The following BCR variants were observed in gnomAD, a reference collection of about 807,000 sequenced individuals.
BCR encodes BCR activator of RhoGEF and GTPase.
Under a neutral mutation model 138.6 loss-of-function variants are expected in BCR, and 58 were observed. That is an observed-to-expected ratio of 0.42 (90% CI 0.34 to 0.52). The LOEUF is 0.52. Ranked by LOEUF, BCR falls within the 20% of genes least tolerant of loss-of-function variation. BCR has a pLI of 0.06. For missense variants in BCR, 1,599 were observed against 1,727.2 expected (o/e 0.93, Z 1.32); for synonymous variants, 786 against 730.1 (o/e 1.08, Z -1.23).
At position 23,241,782 on chromosome 22, in the gene BCR, A is replaced by G. The variant is rs1347002083; in HGVS notation, c.1280-12017A>G. ...TCGCAGAAGCCCCCAGCCCTGCCCC[A>G]CCTCCAGTGCCACACTCAGATGTGC... On this transcript the variant is annotated intron_variant, in intron 1 of 22. Coordinates refer to ENST00000305877, the MANE Select transcript of BCR (RefSeq NM_004327.4). Among the ~76,000 whole-genome samples the G allele has an allele frequency of 3.3e-5, 5 of 151,378 alleles. No individual in the cohort carries two copies. In the South Asian group the frequency reaches 8.4e-4, roughly 25 times the overall value.
In BCR at chr22:23,317,809, GCT is replaced by G. The variant is rs1050876616; in HGVS notation, c.*2291_*2292del. Reference sequence around the variant, plus strand: ...CAGCGTTCTCCAGGAGGGGGACCTGGCTCTCCTTCTGCAATGCAGGCGAAGGC... The same window carrying G: ...CAGCGTTCTCCAGGAGGGGGACCTGGCTCCTTCTGCAATGCAGGCGAAGGC... On this transcript the variant is annotated 3_prime_UTR_variant, in exon 23 of 23. Transcript: ENST00000305877. The G allele has an allele frequency of 2.5e-5, 3 of 121,326 alleles. No individual in the cohort carries two copies. Among genetic ancestry groups the G allele is most frequent in the Admixed American group, 9.4e-5 (1 of 10,694 alleles). 7.5% of individuals were successfully genotyped at this position (121,326 alleles called of 1,614,324 possible).
chr22:23,294,275 T>C (rs1351719016), intron 15 of BCR, among the ~76,000 whole-genome samples: 3 of 152,214 alleles, frequency 2.0e-5, no homozygotes, highest in Non-Finnish European at 2.9e-5. Flanking sequence ...TCATTCTTGG[T>C]GTTACACATG....
At chr22:23,269,838 G>A (rs1446800932) in intron 5 of BCR, among the ~76,000 whole-genome samples, 1 of 152,148 alleles carries the variant, frequency 6.6e-6, no homozygotes, top group Non-Finnish European at 1.5e-5. Flanking sequence ...ACAGTTAAGC[G>A]GGCAAGTTCA....
At chr22:23,182,899 T>G (rs1437778219) in intron 1 of BCR, among the ~76,000 whole-genome samples, 2 of 152,152 alleles carry the variant, frequency 1.3e-5, no homozygotes, top group East Asian at 3.8e-4. Flanking sequence ...AGATTTTATC[T>G]GGGGGTGAAG....
intron 1 of BCR, among the ~76,000 whole-genome samples, chr22:23,246,064 A>G (rs1211275788): frequency 6.6e-6 from 1 of 152,130 alleles, no homozygotes; most frequent in South Asian, 2.1e-4. Context: ...TGTGACTGGC[A>G]TATTTCCCGT....
chr22:23,290,051 C>T (rs762991547), intron 13 of BCR: 11 of 541,842 alleles, frequency 2.0e-5, no homozygotes, highest in Middle Eastern at 5.0e-4. Flanking sequence ...TGTCCACACA[C>T]ACCCCACCCA....
At position 23,271,573 on chromosome 22, in the gene BCR, G is replaced by T; in HGVS notation, c.1902G>T (p.Thr634=). The part of the protein sequence containing the change: ...ARSNKDAKDP[T]TKNSLETLLY... The stretch of plus-strand genomic sequence containing the variant: ...GCAACAAAGATGCCAAGGATCCAAC[G>T]ACCAAGAACTCTCTGGAAAGTGAGT... The change falls in exon 6 of 23, where the codon ACG becomes ACT. Residue 634 remains threonine (T), a synonymous_variant. Transcript: ENST00000305877. 2 of 1,613,992 alleles carry T rather than the reference G, an allele frequency of 1.2e-6. No homozygotes were observed. Among genetic ancestry groups the T allele is most frequent in the South Asian group, 2.2e-5 (2 of 91,046 alleles).
intron 4 of BCR, chr22:23,262,898 G>T: frequency 9.3e-7 from 1 of 1,078,662 alleles, no homozygotes; most frequent in Non-Finnish European, 1.1e-6. Context: ...GGGCTGAGGC[G>T]GGAGCGAGGA....
intron 1 of BCR, among the ~76,000 whole-genome samples, chr22:23,196,092 A>T (rs1799010274): frequency 6.6e-6 from 1 of 152,186 alleles, no homozygotes; most frequent in African/African-American, 2.4e-5. Flanking sequence ...AAATTGTAGT[A>T]AAATACACAT....
intron 1 of BCR, among the ~76,000 whole-genome samples, chr22:23,220,962 T>C (rs558031121): frequency 4.1e-4 from 63 of 152,322 alleles, no homozygotes; most frequent in South Asian, 1.2e-3. Context: ...TTGGTATCTT[T>C]GAAGCCTGTC....
intron 1 of BCR, among the ~76,000 whole-genome samples, chr22:23,250,464 A>AG (rs1467326799): frequency 6.6e-6 from 1 of 152,230 alleles, no homozygotes; most frequent in African/African-American, 2.4e-5. Flanking sequence ...AAGAGGGATG[A>AG]GGAAGGGGCT....
intron 1 of BCR, among the ~76,000 whole-genome samples, chr22:23,209,883 G>C (rs534674280): frequency 7.9e-5 from 12 of 152,252 alleles, no homozygotes; most frequent in African/African-American, 2.6e-4. Context: ...TCCTGCCTTA[G>C]CCCCCTGAGT....
At chr22:23,224,461 C>T (rs148570616) in intron 1 of BCR, among the ~76,000 whole-genome samples, 3 of 152,326 alleles carry the variant, frequency 2.0e-5, no homozygotes, top group East Asian at 3.9e-4. Context: ...CACATTCTCT[C>T]AGCAGGGTGG....
intron 1 of BCR, among the ~76,000 whole-genome samples, chr22:23,249,837 C>T (rs1336696824): frequency 2.6e-5 from 4 of 152,088 alleles, no homozygotes; most frequent in Admixed American, 2.6e-4. Context: ...TCATATGGAA[C>T]GTGGCAGGGA....
At chr22:23,280,695 T>C (rs1439507487) in intron 8 of BCR, among the ~76,000 whole-genome samples, 1 of 152,234 alleles carries the variant, frequency 6.6e-6, no homozygotes, top group Non-Finnish European at 1.5e-5. Flanking sequence ...AGATGCAGGC[T>C]GTCCTGGCCA....
At chr22:23,242,906 A>G (rs1009116751) in intron 1 of BCR, 6 of 455,646 alleles carry the variant, frequency 1.3e-5, no homozygotes, top group African/African-American at 1.0e-4. Context: ...TTCTGTTCCC[A>G]GCATCTGATG....
At position 23,181,165 on chromosome 22, in the gene BCR, A is replaced by G. The variant is rs777423724; in HGVS notation, c.205A>G (p.Ser69Gly). The G allele has an allele frequency of 2.8e-6, 4 of 1,416,368 alleles. No individual in the cohort carries two copies. The highest frequency in any genetic ancestry group is 3.7e-6 in the Non-Finnish European group (4 of 1,066,756). 87.7% of individuals were successfully genotyped at this position (1,416,368 alleles called of 1,614,324 possible). A position where few individuals can be genotyped will look rare whatever the true frequency, so the allele number is the denominator to read the frequency against. Residue 69 changes from serine (S) to glycine (G), a missense_variant, in exon 1 of 23, where the codon AGC becomes GGC. Ser to Gly is a moderately conservative substitution (Grantham distance 56, BLOSUM62 0). Transcript: ENST00000305877. The part of the protein sequence containing the change: ...LQTLLAKEKK[S>G]YDRQRWGFRR... ...GACGTTGCTGGCCAAGGAAAAGAAG[A>G]GCTATGACCGGCAGCGATGGGGCTT... is the stretch of plus-strand genomic sequence containing the variant.
intron 16 of BCR, among the ~76,000 whole-genome samples, chr22:23,300,692 C>T (rs1287258855): frequency 6.6e-6 from 1 of 152,156 alleles, no homozygotes; most frequent in Non-Finnish European, 1.5e-5. Flanking sequence ...ACCAGGAGGG[C>T]CCCAGTCAGA....
chr22:23,263,537 G>A (rs2146278819), intron 4 of BCR: 4 of 1,576,416 alleles, frequency 2.5e-6, no homozygotes, highest in Non-Finnish European at 3.5e-6. Flanking sequence ...ATTTCATCCT[G>A]GCCTACCAGT....
Sources: gnomAD v4.1 joint callset for allele counts (sites outside exome capture counted in the v4.1 genomes callset) on GRCh38, gnomAD v4.1.1 for gene constraint, MANE v1.5 for transcripts, NCBI Gene and HGNC (gene_info 2026-07-23, HGNC 2026-07-21) for gene names.